Variants in DYSF observed in about 807,000 individuals in gnomAD.
DYSF encodes the protein dystrophy-associated fer-1-like 1.
A neutral mutation model predicts 274.9 loss-of-function variants in DYSF; 212 were observed. That is an observed-to-expected ratio of 0.77 (90% CI 0.69 to 0.86). The LOEUF (loss-of-function observed/expected upper bound fraction) is 0.86. Ranked by LOEUF, DYSF falls within the 40% of genes least tolerant of loss-of-function variation. The pLI, the probability that DYSF is intolerant of heterozygous loss-of-function variation, is 0.00. For missense variants in DYSF, 2,666 were observed against 2,783.2 expected (o/e 0.96, Z 0.95); for synonymous variants, 1,091 against 1,078.7 (o/e 1.01, Z -0.22).
At chr2:71,506,726 C>T (rs538345106) in intron 4 of DYSF, among the ~76,000 whole-genome samples, 5 of 152,234 alleles carry the variant, frequency 3.3e-5, no homozygotes, top group Admixed American at 1.3e-4. Flanking sequence ...CCCACTGACA[C>T]GCCCACTTTC....
At chr2:71,653,386 A>G (rs1464672931) in intron 42 of DYSF, among the ~76,000 whole-genome samples, 2 of 152,066 alleles carry the variant, frequency 1.3e-5, no homozygotes, top group Non-Finnish European at 2.9e-5. Flanking sequence ...CACTATTCAC[A>G]ATAGCAAAGA....
At chr2:71,549,118 C>T (rs2090727987) in intron 17 of DYSF, among the ~76,000 whole-genome samples, 1 of 152,148 alleles carries the variant, frequency 6.6e-6, no homozygotes, top group Admixed American at 6.5e-5. Context: ...AGGTGGGACC[C>T]CCAGGGCTCA....
intron 16 of DYSF, among the ~76,000 whole-genome samples, chr2:71,537,570 A>G (rs1240492363): frequency 2.0e-5 from 3 of 152,112 alleles, no homozygotes; most frequent in Non-Finnish European, 4.4e-5. Flanking sequence ...AATATCATTT[A>G]CTTGGAAAAA....
intron 36 of DYSF, among the ~76,000 whole-genome samples, chr2:71,606,914 C>T (rs2152867343): frequency 6.6e-6 from 1 of 152,280 alleles, no homozygotes; most frequent in Non-Finnish European, 1.5e-5. Context: ...GGATTCATTC[C>T]TTTATCCTCC....
rs1442864455 is a variant in DYSF, at chr2:71,665,198, C to G, written c.5211C>G (p.Pro1737=). The change falls in exon 47 of 56, where the codon CCC becomes CCG. Residue 1737 remains proline, a synonymous_variant. Transcript: ENST00000410020. ...ACCAGTGGCGGGACCAGCTCCGCCC[C>G]TCCCAGCTCCTCCACCTCTTCTGCC... ...GPNQWRDQLR[P]SQLLHLFCQQ... 6 of 1,613,888 alleles carry G rather than the reference C, an allele frequency of 3.7e-6. No homozygotes were observed. The highest frequency in any genetic ancestry group is 3.4e-6 in the Non-Finnish European group (4 of 1,180,036).
chr2:71,664,594 A>G (rs1015197188), intron 46 of DYSF, among the ~76,000 whole-genome samples, 156 bp downstream of exon 46: 3 of 151,886 alleles, frequency 2.0e-5, no homozygotes, highest in African/African-American at 7.3e-5. Flanking sequence ...TCCTATCCCC[A>G]CTCCACAGAT....
intron 41 of DYSF, among the ~76,000 whole-genome samples, chr2:71,630,299 T>G (rs1191175803): frequency 1.4e-4 from 22 of 152,264 alleles, no homozygotes; most frequent in Admixed American, 1.4e-3. Flanking sequence ...TGTGGGGCTA[T>G]TCTTCTGGGC....
intron 23 of DYSF, among the ~76,000 whole-genome samples, chr2:71,562,562 G>A (rs1221685301): frequency 1.3e-5 from 2 of 152,168 alleles, no homozygotes; most frequent in Non-Finnish European, 2.9e-5. Flanking sequence ...AGGCAGGTCC[G>A]GTATTTGTCT....
At chr2:71,564,327 T>G in intron 24 of DYSF, 114 bp downstream of exon 24, 1 of 1,453,670 alleles carries the variant, frequency 6.9e-7, no homozygotes, top group Non-Finnish European at 9.6e-7. Context: ...TAGGCTGTGG[T>G]CTTGGAAGGA....
chr2:71,453,824 G>A, exon 1 of DYSF: 1 of 687,968 alleles, frequency 1.5e-6, no homozygotes, highest in Admixed American at 2.1e-5. Context: ...GAGCAGCCGG[G>A]GGTGGCCCGT....
intron 9 of DYSF, among the ~76,000 whole-genome samples, chr2:71,516,601 A>G (rs911201953): frequency 6.6e-6 from 1 of 152,072 alleles, no homozygotes; most frequent in Non-Finnish European, 1.5e-5. Context: ...GTTCCATCTT[A>G]TTTTGTTAAT....
chr2:71,579,214 A>G (rs2092809388), intron 30 of DYSF, among the ~76,000 whole-genome samples: 1 of 152,004 alleles, frequency 6.6e-6, no homozygotes, highest in African/African-American at 2.4e-5. Context: ...CACAGAATCC[A>G]TCCTGTTGCC....
chr2:71,672,505 T>C (rs1241240592), intron 51 of DYSF, among the ~76,000 whole-genome samples: 10 of 152,172 alleles, frequency 6.6e-5, no homozygotes, highest in Admixed American at 6.5e-4. Flanking sequence ...CCACCACTGG[T>C]TGCCCCGGCC....
intron 1 of DYSF, among the ~76,000 whole-genome samples, chr2:71,480,650 T>A (rs1002987511): frequency 2.6e-5 from 4 of 152,132 alleles, no homozygotes; most frequent in Non-Finnish European, 1.5e-5. Context: ...AGAGTCAGCC[T>A]GGGTACTTTC....
intron 17 of DYSF, among the ~76,000 whole-genome samples, chr2:71,549,857 G>A (rs554788898): frequency 3.7e-4 from 56 of 152,128 alleles, no homozygotes; most frequent in Non-Finnish European, 6.0e-4. Context: ...CACCTACCTG[G>A]GCCTCCCACC....
At chr2:71,592,068 T>C (rs2093280967) in intron 32 of DYSF, among the ~76,000 whole-genome samples, 1 of 152,262 alleles carries the variant, frequency 6.6e-6, no homozygotes, top group Admixed American at 6.5e-5. Context: ...GACGAGTTTA[T>C]AGCCTTGCTT....
intron 1 of DYSF, among the ~76,000 whole-genome samples, chr2:71,478,043 G>C (rs960705193): frequency 1.9e-4 from 25 of 129,222 alleles, no homozygotes; most frequent in African/African-American, 6.7e-4. Flanking sequence ...GGAAGTTATA[G>C]TTTTTTTTTT....
chr2:71,463,507 C>A (rs2081371949), upstream of DYSF, among the ~76,000 whole-genome samples: 1 of 152,228 alleles, frequency 6.6e-6, no homozygotes, highest in East Asian at 1.9e-4. Context: ...CCCCCACCGG[C>A]TCTGCAGAGT....
At chr2:71,608,984 A>G (rs1357668910) in intron 36 of DYSF, among the ~76,000 whole-genome samples, 1 of 81,358 alleles carries the variant, frequency 1.2e-5, no homozygotes, top group Non-Finnish European at 2.2e-5. Flanking sequence ...CTGGGTCCAT[A>G]TTGGGTTGGG....
Sources: gnomAD v4.1 joint callset for allele counts (sites outside exome capture counted in the v4.1 genomes callset) on GRCh38, gnomAD v4.1.1 for gene constraint, MANE v1.5 for transcripts, NCBI Gene and HGNC (gene_info 2026-07-23, HGNC 2026-07-21) for gene names.